SPIDR: variants seen among roughly 807,000 people sequenced by gnomAD.
The protein encoded by SPIDR is DNA repair-scaffolding protein.
In SPIDR, 93 loss-of-function variants were observed where a neutral mutation model predicts 104.6. The observed-to-expected ratio is 0.89, with a 90% CI of 0.75 to 1.06. The LOEUF (loss-of-function observed/expected upper bound fraction) is 1.06. Ranked by LOEUF, SPIDR falls within the 50% of genes least tolerant of loss-of-function variation. The probability of loss-of-function intolerance (pLI) is 0.00; values close to 1 mark genes in which losing one functional copy is unlikely to be tolerated. For missense variants in SPIDR, 1,154 were observed against 1,111.2 expected, an observed-to-expected ratio of 1.04 and a Z score of -0.55; for synonymous variants, 431 against 416.9, an observed-to-expected ratio of 1.03 and a Z score of -0.41.
chr8:47,295,961 C>T (rs1195643222), intron 5 of SPIDR, among the ~76,000 whole-genome samples: 1 of 152,118 alleles, frequency 6.6e-6, no homozygotes, highest in Non-Finnish European at 1.5e-5. Context: ...TATCTTTCAT[C>T]TTTTTGATAG....
chr8:47,415,020 C>G (rs1554674321), intron 7 of SPIDR, among the ~76,000 whole-genome samples: 1 of 152,126 alleles, frequency 6.6e-6, no homozygotes, highest in Non-Finnish European at 1.5e-5. Context: ...TCTCCTGCCT[C>G]AGCCTCCCGA....
intron 9 of SPIDR, among the ~76,000 whole-genome samples, chr8:47,596,793 TA>T (rs1331208300): frequency 1.4e-4 from 22 of 152,310 alleles, no homozygotes; most frequent in African/African-American, 3.6e-4. Context: ...TGTACAGCTA[TA>T]AAAAATATTT....
chr8:47,504,751 T>C (rs1482361308), intron 8 of SPIDR, among the ~76,000 whole-genome samples: 1 of 152,188 alleles, frequency 6.6e-6, no homozygotes, highest in Admixed American at 6.5e-5. Flanking sequence ...CTGTTTTTTC[T>C]CCATCTTTGT....
intron 8 of SPIDR, among the ~76,000 whole-genome samples, chr8:47,491,071 A>G (rs1467379561): frequency 6.6e-6 from 1 of 152,244 alleles, no homozygotes; most frequent in Non-Finnish European, 1.5e-5. Flanking sequence ...TTGTAACTAC[A>G]AAAAGCATGC....
chr8:47,285,168 A>G (rs1230729021), intron 3 of SPIDR, among the ~76,000 whole-genome samples: 8 of 152,230 alleles, frequency 5.3e-5, no homozygotes, highest in Admixed American at 2.0e-4. Context: ...GCAGTTGCTC[A>G]TATGTCTGAT....
intron 10 of SPIDR, among the ~76,000 whole-genome samples, chr8:47,648,883 A>G (rs1186572729): frequency 6.6e-6 from 1 of 152,208 alleles, no homozygotes. Context: ...AAAATAATTT[A>G]AGAAAATGAA....
intron 14 of SPIDR, among the ~76,000 whole-genome samples, chr8:47,709,448 G>A (rs924195186): frequency 4.6e-5 from 7 of 151,884 alleles, no homozygotes; most frequent in Non-Finnish European, 8.8e-5. Context: ...CCTAATTTTG[G>A]TATTTTTAGT....
At chr8:47,404,611 C>T (rs2062450705) in intron 6 of SPIDR, among the ~76,000 whole-genome samples, 1 of 152,188 alleles carries the variant, frequency 6.6e-6, no homozygotes, top group Admixed American at 6.5e-5. Context: ...TGCTCATCAT[C>T]ACTGGCCATC....
chr8:47,398,727 C>T (rs1443043304), intron 6 of SPIDR, among the ~76,000 whole-genome samples: 1 of 152,202 alleles, frequency 6.6e-6, no homozygotes, highest in Non-Finnish European at 1.5e-5. Flanking sequence ...TCTTTTGAAG[C>T]ATGAGCTAGG....
chr8:47,308,188 A>C (rs2043445494), intron 5 of SPIDR, among the ~76,000 whole-genome samples: 1 of 151,422 alleles, frequency 6.6e-6, no homozygotes, highest in Non-Finnish European at 1.5e-5. Context: ...CAGCCTCCCA[A>C]GTAGCTGGGA....
chr8:47,516,957 G>T (rs2083257342), intron 8 of SPIDR, among the ~76,000 whole-genome samples: 1 of 152,044 alleles, frequency 6.6e-6, no homozygotes, highest in Non-Finnish European at 1.5e-5. Flanking sequence ...TTTGATAATT[G>T]CCATTCTAAT....
At chr8:47,723,515 C>T (rs1156865820) in intron 16 of SPIDR, among the ~76,000 whole-genome samples, 3 of 151,178 alleles carry the variant, frequency 2.0e-5, no homozygotes, top group Non-Finnish European at 4.4e-5. Flanking sequence ...CTGCAAGCTC[C>T]GCCTCCCGGG....
intron 1 of SPIDR, among the ~76,000 whole-genome samples, chr8:47,275,014 C>T (rs2036102569): frequency 1.3e-5 from 2 of 151,812 alleles, no homozygotes. Context: ...AATCCCAGCA[C>T]TTTGGGAGGC....
At chr8:47,390,819 C>G (rs900753230) in intron 5 of SPIDR, among the ~76,000 whole-genome samples, 15 of 152,106 alleles carry the variant, frequency 9.9e-5, no homozygotes, top group African/African-American at 3.4e-4. Flanking sequence ...AGTAATTAAA[C>G]AGTTGAGCTG....
rs181216645 is a variant in SPIDR, at chr8:47,556,313, C to T, written c.1098-39498C>T. On this transcript the variant is annotated intron_variant, in intron 8 of 19. Coordinates refer to ENST00000297423, the MANE Select transcript of SPIDR (RefSeq NM_001080394.4). ...CTAATGATTGTTCCATACTGAATCT[C>T]AGCCTGCCTCCACCTCTTCCTTCCA... Among the ~76,000 whole-genome samples, 455 of 152,326 alleles carry T rather than the reference C, an allele frequency of 3.0e-3. 4 individuals are homozygous for T. Among genetic ancestry groups the T allele is most frequent in the Middle Eastern group, 0.024 (7 of 294 alleles).
chr8:47,324,258 CTG>C (rs1364164030), intron 5 of SPIDR, among the ~76,000 whole-genome samples: 1 of 152,148 alleles, frequency 6.6e-6, no homozygotes, highest in African/African-American at 2.4e-5. Context: ...GAACACAACT[CTG>C]TGTGATTCTT....
intron 11 of SPIDR, 31 bp from the exon 12 acceptor site, chr8:47,700,372 T>C: frequency 6.2e-7 from 1 of 1,611,468 alleles, no homozygotes; most frequent in Non-Finnish European, 8.5e-7. Flanking sequence ...GGATGTCTGA[T>C]GATGAATACC....
chr8:47,407,551 A>G (rs2154322476), intron 6 of SPIDR, among the ~76,000 whole-genome samples: 1 of 152,332 alleles, frequency 6.6e-6, no homozygotes. Flanking sequence ...TTAGGATTGA[A>G]TAAATGAACT....
At chr8:47,364,315 C>G (rs1554632872) in intron 5 of SPIDR, among the ~76,000 whole-genome samples, 1 of 152,178 alleles carries the variant, frequency 6.6e-6, no homozygotes, top group Non-Finnish European at 1.5e-5. Flanking sequence ...GTGTCCTTGA[C>G]CTGTATTCTG....
Sources: allele counts gnomAD v4.1 joint callset (sites outside exome capture counted in the v4.1 genomes callset), GRCh38; gene constraint gnomAD v4.1.1; transcripts MANE v1.5; gene names NCBI Gene and HGNC (gene_info 2026-07-23, HGNC 2026-07-21).